KCNJ6: variants seen among roughly 807,000 people sequenced by gnomAD.
The protein encoded by KCNJ6 is potassium inwardly rectifying channel subfamily J member 6, also known as G protein-activated inward rectifier potassium channel 2.
KCNJ6 carries 9 observed loss-of-function variants against 34.2 expected under a neutral mutation model. The ratio of observed to expected loss-of-function variants is 0.26; its 90% CI spans 0.16 to 0.46. The LOEUF is 0.46. Ranked by LOEUF, KCNJ6 falls within the 20% of genes least tolerant of loss-of-function variation. The pLI, the probability that KCNJ6 is intolerant of heterozygous loss-of-function variation, is 1.00. For missense variants in KCNJ6, 236 were observed against 531.3 expected, an observed-to-expected ratio of 0.44 and a Z score of 5.46; for synonymous variants, 196 against 207.1, an observed-to-expected ratio of 0.95 and a Z score of 0.46.
intron 2 of KCNJ6, among the ~76,000 whole-genome samples, chr21:37,838,271 T>C (rs1381839520): frequency 6.6e-6 from 1 of 152,186 alleles, no homozygotes; most frequent in Admixed American, 6.5e-5. Context: ...GGTGAAGAGC[T>C]CTTATTTAAA....
intron 1 of KCNJ6, among the ~76,000 whole-genome samples, chr21:37,912,437 AATTT>A (rs778290878): frequency 1.2e-4 from 18 of 152,292 alleles, no homozygotes; most frequent in African/African-American, 2.2e-4. Flanking sequence ...CCCCCTTTTT[AATTT>A]ATTAGAGAAA....
chr21:37,665,277 T>C (rs560849708), intron 3 of KCNJ6, among the ~76,000 whole-genome samples: 1 of 152,212 alleles, frequency 6.6e-6, no homozygotes, highest in African/African-American at 2.4e-5. Flanking sequence ...ATTATCATTA[T>C]TTATGATTAT....
intron 3 of KCNJ6, among the ~76,000 whole-genome samples, chr21:37,685,105 A>G (rs2054607269): frequency 6.6e-6 from 1 of 152,202 alleles, no homozygotes; most frequent in South Asian, 2.1e-4. Flanking sequence ...GAAAAAATCA[A>G]TTAGGAAATG....
chr21:37,714,165 A>G lies in KCNJ6; in HGVS notation c.946+46T>C. The G allele has an allele frequency of 7.4e-7, 1 of 1,355,242 alleles. No homozygotes were observed. 84.0% of individuals were successfully genotyped at this position (1,355,242 alleles called of 1,614,324 possible). The stretch of plus-strand genomic sequence containing the variant: ...GATAAGAACATCAGGTCCAGTTTAA[A>G]ATGAGCATCTATCCCACAGCCATCC... On this transcript the variant is annotated intron_variant, in intron 3 of 3. Coordinates refer to ENST00000609713, the MANE Select transcript of KCNJ6 (RefSeq NM_002240.5). The surrounding 1 kb of genome is among the most constrained non-coding windows in gnomAD (Gnocchi z 5.9).
At chr21:37,726,413 G>A (rs935481057) in intron 2 of KCNJ6, among the ~76,000 whole-genome samples, 8 of 151,992 alleles carry the variant, frequency 5.3e-5, no homozygotes, top group Non-Finnish European at 1.0e-4. Flanking sequence ...CTAGAGCTCA[G>A]GCCCTGGAAA....
intron 3 of KCNJ6, among the ~76,000 whole-genome samples, chr21:37,697,440 A>C (rs987081825): frequency 6.6e-6 from 1 of 152,218 alleles, no homozygotes; most frequent in African/African-American, 2.4e-5. Flanking sequence ...GAGTATTCCC[A>C]ATGTGTGTTT....
At chr21:37,759,492 G>A (rs1260848879) in intron 2 of KCNJ6, among the ~76,000 whole-genome samples, 1 of 152,096 alleles carries the variant, frequency 6.6e-6, no homozygotes, top group Non-Finnish European at 1.5e-5. Context: ...TCACAACCCC[G>A]CAGGGTCTTG....
intron 2 of KCNJ6, among the ~76,000 whole-genome samples, chr21:37,827,418 C>A (rs756695163): frequency 3.9e-5 from 6 of 152,130 alleles, no homozygotes; most frequent in Non-Finnish European, 8.8e-5. Flanking sequence ...CTGCAGGTAA[C>A]AAACACCACA....
At chr21:37,831,259 G>A (rs946742932) in intron 2 of KCNJ6, among the ~76,000 whole-genome samples, 1 of 152,252 alleles carries the variant, frequency 6.6e-6, no homozygotes, top group African/African-American at 2.4e-5. Flanking sequence ...GAGGAGCACA[G>A]ACAGGGAAGA....
intron 1 of KCNJ6, among the ~76,000 whole-genome samples, chr21:37,899,185 C>T (rs923838596): frequency 3.3e-5 from 5 of 152,088 alleles, no homozygotes; most frequent in Admixed American, 6.5e-5. Flanking sequence ...TTTTGAGTTT[C>T]TCCTGGGTAA....
chr21:37,891,350 A>G (rs1476700000), intron 1 of KCNJ6, among the ~76,000 whole-genome samples: 1 of 152,046 alleles, frequency 6.6e-6, no homozygotes, highest in African/African-American at 2.4e-5. Context: ...CGCATAGACA[A>G]ACACACAGGC....
At chr21:37,760,638 T>G (rs1367810151) in intron 2 of KCNJ6, among the ~76,000 whole-genome samples, 1 of 152,260 alleles carries the variant, frequency 6.6e-6, no homozygotes, top group Non-Finnish European at 1.5e-5. Flanking sequence ...CCCTTGCTCC[T>G]GGGTCTGACT....
chr21:37,899,210 T>C (rs887803166), intron 1 of KCNJ6, among the ~76,000 whole-genome samples: 4 of 152,104 alleles, frequency 2.6e-5, no homozygotes, highest in Admixed American at 2.6e-4. Flanking sequence ...GGAAGAACAG[T>C]GAGAGGAAGA....
chr21:37,811,232 C>CTTTA (rs1412903274), intron 2 of KCNJ6, among the ~76,000 whole-genome samples: 1 of 152,210 alleles, frequency 6.6e-6, no homozygotes, highest in Non-Finnish European at 1.5e-5. Context: ...CCTTTCTAAC[C>CTTTA]TTTACCCTGT....
At chr21:37,658,237 C>T (rs948590696) in intron 3 of KCNJ6, among the ~76,000 whole-genome samples, 7 of 152,160 alleles carry the variant, frequency 4.6e-5, no homozygotes, top group Non-Finnish European at 7.3e-5. Flanking sequence ...ACAGCAGGAA[C>T]GCACAGTGAA....
intron 3 of KCNJ6, among the ~76,000 whole-genome samples, chr21:37,683,018 C>G (rs890771550): frequency 6.6e-6 from 1 of 152,212 alleles, no homozygotes; most frequent in Non-Finnish European, 1.5e-5. Flanking sequence ...TTCAAGCCAG[C>G]CTTTGTTTTC....
intron 3 of KCNJ6, among the ~76,000 whole-genome samples, chr21:37,708,714 A>C (rs1158012160): frequency 6.6e-6 from 1 of 152,322 alleles, no homozygotes; most frequent in African/African-American, 2.4e-5. Context: ...TGGGGTTATA[A>C]CTCTTAAGAT....
At chr21:37,762,902 C>T (rs550272879) in intron 2 of KCNJ6, among the ~76,000 whole-genome samples, 55 of 152,240 alleles carry the variant, frequency 3.6e-4, no homozygotes, top group African/African-American at 1.2e-3. Context: ...ATGGGCAGCC[C>T]GGGGGTAAGA....
At chr21:37,729,668 A>G (rs1324180014) in intron 2 of KCNJ6, among the ~76,000 whole-genome samples, 1 of 152,218 alleles carries the variant, frequency 6.6e-6, no homozygotes, top group Non-Finnish European at 1.5e-5. Flanking sequence ...GACTGTCTAC[A>G]GTTAGTTAGA....
Sources: allele counts gnomAD v4.1 joint callset (sites outside exome capture counted in the v4.1 genomes callset), GRCh38; gene constraint gnomAD v4.1.1; non-coding constraint Gnocchi (gnomAD v3.1); transcripts MANE v1.5; gene names NCBI Gene and HGNC (gene_info 2026-07-23, HGNC 2026-07-21).